The following COL24A1 variants were observed in gnomAD, a reference collection of about 807,000 sequenced individuals.
COL24A1 encodes the protein collagen alpha-1(XXIV) chain.
COL24A1 carries 224 observed loss-of-function variants against 253.9 expected under a neutral mutation model. The observed-to-expected ratio is 0.88, with a 90% CI of 0.79 to 0.99. COL24A1 has a LOEUF of 0.99. COL24A1 is among the 50% of genes least tolerant of loss of function. The probability of loss-of-function intolerance (pLI) is 0.00; values close to 1 mark genes in which losing one functional copy is unlikely to be tolerated. For missense variants in COL24A1, 2,131 were observed against 2,068.5 expected (o/e 1.03, Z -0.59); for synonymous variants, 685 against 673.7 (o/e 1.02, Z -0.26).
chr1:85,893,752 T>G (rs553467338), intron 31 of COL24A1, among the ~76,000 whole-genome samples: 80 of 152,296 alleles, frequency 5.3e-4, no homozygotes, highest in African/African-American at 1.9e-3. Context: ...AATTTAGAGA[T>G]GGAGAGGGTC....
chr1:85,873,448 T>A (rs1275811021), intron 35 of COL24A1, among the ~76,000 whole-genome samples: 2 of 152,160 alleles, frequency 1.3e-5, no homozygotes, highest in Admixed American at 6.5e-5. Flanking sequence ...CAAATGTCCA[T>A]CAATGATAGA....
At chr1:86,020,061 C>CTTTTTTTTTTTTTTTTTT (rs10582249) in intron 18 of COL24A1, among the ~76,000 whole-genome samples, 3 of 102,594 alleles carry the variant, frequency 2.9e-5, no homozygotes, top group African/African-American at 3.3e-5. Context: ...TTCATTCTTT[C>CTTTTTTTTTTTTTTTTTT]TTTTTTTTTT....
Position 85,889,866 on chromosome 1 carries a change from C to T in COL24A1, c.2923-253G>A, listed in dbSNP as rs140228668. Among the ~76,000 whole-genome samples, 846 of 151,898 alleles carry T rather than the reference C, an allele frequency of 5.6e-3. 39 individuals carry two copies. The highest frequency in any genetic ancestry group is 0.05 in the Admixed American group (768 of 15,252). ...ACCGTTACCAGAACTTTTTCATCTT[C>T]CCAAACTGAAACTCTGTACCCATTA... On this transcript the variant is annotated intron_variant, in intron 31 of 59. Coordinates refer to ENST00000370571, the MANE Select transcript of COL24A1 (RefSeq NM_152890.7).
chr1:85,976,771 C>G (rs1022010309), intron 20 of COL24A1, among the ~76,000 whole-genome samples: 5 of 152,128 alleles, frequency 3.3e-5, no homozygotes, highest in African/African-American at 9.7e-5. Context: ...CAAAATAACC[C>G]TACTCCAAGG....
intron 42 of COL24A1, among the ~76,000 whole-genome samples, chr1:85,840,926 T>A (rs999340559): frequency 2.0e-5 from 3 of 152,150 alleles, no homozygotes; most frequent in Non-Finnish European, 4.4e-5. Context: ...CTAGAGTGTA[T>A]AAGTTTTCTG....
At position 86,035,179 on chromosome 1, in the gene COL24A1, C is replaced by A. The variant is rs143557417; in HGVS notation, c.1951-1256G>T. Among the ~76,000 whole-genome samples, 18 of 152,272 alleles carry A rather than the reference C, an allele frequency of 1.2e-4. No individual in the cohort carries two copies. The East Asian group carries it at 3.3e-3, about 28-fold the overall frequency. On this transcript the variant is annotated intron_variant, in intron 12 of 59. Coordinates refer to ENST00000370571, the MANE Select transcript of COL24A1 (RefSeq NM_152890.7). ...AATCAAAGGATAATGTAAAAACCAT[C>A]TGTGTAGTCAAATATATTGTAGCCA...
intron 37 of COL24A1, among the ~76,000 whole-genome samples, chr1:85,866,602 C>T (rs186550834): frequency 7.8e-4 from 118 of 151,930 alleles, no homozygotes; most frequent in Non-Finnish European, 1.4e-3. Flanking sequence ...GGTAAAACCC[C>T]GTCTCTACTA....
At chr1:85,890,161 A>T (rs145310482) in intron 31 of COL24A1, among the ~76,000 whole-genome samples, 1 of 152,316 alleles carries the variant, frequency 6.6e-6, no homozygotes, top group East Asian at 1.9e-4. Flanking sequence ...AAGAACATGG[A>T]TCACTTCCAA....
At chr1:85,744,637 A>C (rs1161807002) in intron 57 of COL24A1, 29 bp downstream of exon 57, 1 of 1,543,296 alleles carries the variant, frequency 6.5e-7, no homozygotes, top group Admixed American at 1.8e-5. Flanking sequence ...GAAATTCACT[A>C]TCAGAGTTTG....
chr1:85,946,015 C>A (rs903131451), intron 24 of COL24A1, among the ~76,000 whole-genome samples: 2 of 152,124 alleles, frequency 1.3e-5, no homozygotes, highest in Admixed American at 1.3e-4. Flanking sequence ...GGACAGTTCC[C>A]AGCATTTCCA....
chr1:85,901,890 A>T (rs543240182), intron 28 of COL24A1, among the ~76,000 whole-genome samples: 1 of 149,592 alleles, frequency 6.7e-6, no homozygotes, highest in Non-Finnish European at 1.5e-5. Flanking sequence ...CTGGGTATTT[A>T]TCCAAAGGAA....
At position 85,844,617 on chromosome 1, in the gene COL24A1, CAA is replaced by C. The variant is rs995233748; in HGVS notation, c.3463-2226_3463-2225del. On this transcript the variant is annotated intron_variant, in intron 39 of 59. Coordinates refer to ENST00000370571, the MANE Select transcript of COL24A1 (RefSeq NM_152890.7). Reference sequence around the variant, plus strand: ...AAATATTTGGCAAATCTGATCACCGCAAAGAGTAAACACGATAAAACAACATT... The same window carrying C: ...AAATATTTGGCAAATCTGATCACCGCAGAGTAAACACGATAAAACAACATT... 3.8e-4 allele frequency among the ~76,000 whole-genome samples: 57 copies of C among 151,672 alleles called. 1 individual carries two copies. Among genetic ancestry groups the C allele is most frequent in the African/African-American group, 1.4e-3 (57 of 41,394 alleles).
chr1:85,744,848 A>G lies in COL24A1; in HGVS notation c.4504-14T>C, dbSNP rs1665038809. 6 of 1,603,726 alleles carry G rather than the reference A, an allele frequency of 3.7e-6. No homozygotes were observed. Among genetic ancestry groups the G allele is most frequent in the African/African-American group, 1.4e-5 (1 of 73,938 alleles). ...ATTCTGGTAGCTCTGCCAAGTCATCATAAGAATTATATAAGCAAAAAAATC... is the reference window on the plus strand; with the variant it reads ...ATTCTGGTAGCTCTGCCAAGTCATCGTAAGAATTATATAAGCAAAAAAATC... On this transcript the variant is annotated splice_polypyrimidine_tract_variant and intron_variant, in intron 56 of 59. Coordinates refer to ENST00000370571, the MANE Select transcript of COL24A1 (RefSeq NM_152890.7).
intron 5 of COL24A1, among the ~76,000 whole-genome samples, chr1:86,105,328 A>T (rs1490751669): frequency 6.6e-6 from 1 of 152,154 alleles, no homozygotes; most frequent in Non-Finnish European, 1.5e-5. Context: ...CAATACGGGG[A>T]GTGGCCATGG....
intron 37 of COL24A1, among the ~76,000 whole-genome samples, chr1:85,863,026 C>T (rs1006304118): frequency 2.6e-5 from 4 of 152,124 alleles, no homozygotes; most frequent in Non-Finnish European, 5.9e-5. Context: ...TGAAGAGGTC[C>T]TTCACATCCC....
intron 10 of COL24A1, among the ~76,000 whole-genome samples, chr1:86,052,153 G>A (rs1278896846): frequency 6.6e-6 from 1 of 151,828 alleles, no homozygotes; most frequent in African/African-American, 2.4e-5. Flanking sequence ...AGATACAGTA[G>A]GTCAATTTTA....
At chr1:85,943,935 C>T (rs1688988988) in intron 24 of COL24A1, among the ~76,000 whole-genome samples, 2 of 152,124 alleles carry the variant, frequency 1.3e-5, no homozygotes, top group African/African-American at 4.8e-5. Context: ...CATTTTTTTG[C>T]AAATTTGACT....
chr1:86,033,993 G>C, intron 12 of COL24A1, 70 bp from the exon 13 acceptor site: 1 of 1,191,410 alleles, frequency 8.4e-7, no homozygotes, highest in East Asian at 2.9e-5. Flanking sequence ...TTCTAACAAA[G>C]AATTTAGTAA....
intron 1 of COL24A1, among the ~76,000 whole-genome samples, chr1:86,148,855 A>G (rs1432445176): frequency 1.4e-4 from 22 of 151,982 alleles, no homozygotes; most frequent in African/African-American, 3.4e-4. Context: ...AGTCCTTTGG[A>G]TATATACCCA....
Sources: gnomAD v4.1 joint callset for allele counts (sites outside exome capture counted in the v4.1 genomes callset) on GRCh38, gnomAD v4.1.1 for gene constraint, MANE v1.5 for transcripts, NCBI Gene and HGNC (gene_info 2026-07-23, HGNC 2026-07-21) for gene names.